The following BHMT variants were observed in gnomAD, a reference collection of about 807,000 sequenced individuals.
BHMT encodes the protein betaine--homocysteine S-methyltransferase.
In BHMT, 38 loss-of-function variants were observed where a neutral mutation model predicts 49.5. The ratio of observed to expected loss-of-function variants is 0.77; its 90% CI spans 0.59 to 1.01. The LOEUF (loss-of-function observed/expected upper bound fraction) is 1.01. Among genes scored for constraint, BHMT ranks in the 50% least tolerant of loss-of-function variants. The pLI is 0.00. For missense variants in BHMT, 426 were observed against 495.7 expected, an observed-to-expected ratio of 0.86 and a Z score of 1.34; for synonymous variants, 166 against 176.3, an observed-to-expected ratio of 0.94 and a Z score of 0.46.
At chr5:79,123,531 G>C (rs1017990554) in intron 5 of BHMT, among the ~76,000 whole-genome samples, 6 of 88,118 alleles carry the variant, frequency 6.8e-5, no homozygotes, top group Admixed American at 1.6e-4. Context: ...TTGGTTGGTT[G>C]GTTGGTTGGT....
intron 2 of BHMT, 74 bp downstream of exon 2, chr5:79,115,973 C>T: frequency 3.4e-6 from 5 of 1,451,524 alleles, no homozygotes; most frequent in Non-Finnish European, 4.6e-6. Flanking sequence ...ATCCCAGCAA[C>T]TCAGGAGGCT....
chr5:79,124,731 CAAG>C (rs1351861357), intron 5 of BHMT, among the ~76,000 whole-genome samples: 1 of 152,148 alleles, frequency 6.6e-6, no homozygotes, highest in Admixed American at 6.5e-5. Context: ...CCAAATTTTA[CAAG>C]AATACTGTAG....
intron 2 of BHMT, among the ~76,000 whole-genome samples, chr5:79,116,926 T>A (rs1398976099): frequency 6.6e-6 from 1 of 152,160 alleles, no homozygotes; most frequent in African/African-American, 2.4e-5. Context: ...CCAGCCTCAT[T>A]CTCTTGCTAA....
Position 79,127,968 on chromosome 5 carries a change from C to G in BHMT, c.1022C>G (p.Pro341Arg), listed in dbSNP as rs143484780. The G allele has an allele frequency of 9.7e-5, 156 of 1,612,862 alleles. No individual in the cohort carries two copies. The highest frequency in any genetic ancestry group is 8.2e-4 in the Middle Eastern group (5 of 6,082). ...WGSGLDMHTK[P>R]WVRARARKEY... is the part of the protein sequence containing the mutation. ...AGTGGTTTGGACATGCACACCAAAC[C>G]CTGGGTTAGAGCAAGGTAAGCATCT... The change falls in exon 7 of 8, where the codon CCC (proline) becomes CGC (arginine). Residue 341 changes from proline (P) to arginine (R), a missense_variant. Coordinates refer to ENST00000274353, the MANE Select transcript of BHMT (RefSeq NM_001713.3).
At chr5:79,129,625 A>G (rs969422770) in intron 7 of BHMT, among the ~76,000 whole-genome samples, 1 of 152,156 alleles carries the variant, frequency 6.6e-6, no homozygotes, top group Non-Finnish European at 1.5e-5. Flanking sequence ...TGTAATCGCC[A>G]TGTGAGGAAG....
intron 6 of BHMT, among the ~76,000 whole-genome samples, chr5:79,127,375 G>T (rs1361006634): frequency 6.6e-6 from 1 of 152,196 alleles, no homozygotes; most frequent in African/African-American, 2.4e-5. Context: ...CAACATGGCA[G>T]CTGGCTTTCC....
rs1370516824 is a variant in BHMT at position 79,120,500 on chromosome 5, G to C, written c.436G>C (p.Glu146Gln). The change falls in exon 4 of 8, where the codon GAG becomes CAG. Residue 146 changes from glutamate to glutamine, a missense_variant. Glu to Gln is a conservative substitution (Grantham distance 29). Coordinates refer to ENST00000274353, the MANE Select transcript of BHMT (RefSeq NM_001713.3). Reference protein sequence around the residue: ...EVKKVFLQQLEVFMKKNVDFL... With the variant: ...EVKKVFLQQLQVFMKKNVDFL... ...CAAAAAAGTATTTCTGCAACAGTTA[G>C]AGGTCTTTATGAAGAAGAACGTGGA... is the stretch of plus-strand genomic sequence containing the variant. 7 of 1,613,602 alleles carry C rather than the reference G, an allele frequency of 4.3e-6. No individual in the cohort carries two copies. The highest frequency in any genetic ancestry group is 5.9e-6 in the Non-Finnish European group (7 of 1,179,954).
In BHMT at chr5:79,126,352, T is replaced by C. The variant is rs941567326; in HGVS notation, c.808+124T>C. The C allele has an allele frequency of 3.4e-5, 39 of 1,159,812 alleles. No homozygotes were observed. In the African/African-American group the frequency reaches 5.6e-4, roughly 17 times the overall value. The allele number at this position is 1,159,812 out of a possible 1,614,324, so 71.8% of individuals were successfully genotyped here. A position where few individuals can be genotyped will look rare whatever the true frequency, so the allele number is the denominator to read the frequency against. ...GATGGCTTGGTGTCTCCTCATGTCTTGTCCCTGGTTTCTGTCCCTGCAGCC... is the reference window on the plus strand; with the variant it reads ...GATGGCTTGGTGTCTCCTCATGTCTCGTCCCTGGTTTCTGTCCCTGCAGCC... On this transcript the variant is annotated intron_variant, in intron 6 of 7. Coordinates refer to ENST00000274353, the MANE Select transcript of BHMT (RefSeq NM_001713.3).
intron 1 of BHMT, among the ~76,000 whole-genome samples, chr5:79,112,168 G>A (rs1211646685): frequency 6.6e-6 from 1 of 152,046 alleles, no homozygotes; most frequent in Admixed American, 6.5e-5. Flanking sequence ...GTCCCCTCCA[G>A]CCCCAGCCCA....
At chr5:79,125,950 GA>G in intron 5 of BHMT, 95 bp from the exon 6 acceptor site, 1 of 1,270,818 alleles carries the variant, frequency 7.9e-7, no homozygotes, top group Non-Finnish European at 1.1e-6. Context: ...CTCAAAAAAT[GA>G]AAAAAGAACT....
chr5:79,117,717 T>C (rs1338008734), intron 2 of BHMT, among the ~76,000 whole-genome samples: 2 of 152,206 alleles, frequency 1.3e-5, no homozygotes, highest in Non-Finnish European at 2.9e-5. Context: ...GTCCTAGTAA[T>C]TTCCTAGCCT....
intron 1 of BHMT, among the ~76,000 whole-genome samples, chr5:79,114,171 C>T (rs1756350011): frequency 6.6e-6 from 1 of 150,978 alleles, no homozygotes; most frequent in South Asian, 2.1e-4. Context: ...TTGCAGTTTT[C>T]AGATGTGACA....
chr5:79,115,931 A>G, intron 2 of BHMT, 32 bp downstream of exon 2: 1 of 1,579,140 alleles, frequency 6.3e-7, no homozygotes. Context: ...AAGTTCTCAT[A>G]AAGGAGCCGG....
intron 6 of BHMT, among the ~76,000 whole-genome samples, chr5:79,126,693 G>T (rs899047306): frequency 2.0e-5 from 3 of 152,054 alleles, no homozygotes; most frequent in Admixed American, 2.0e-4. Context: ...ATATGGCTCA[G>T]CTACTCCAGA....
At chr5:79,126,256 C>A in intron 6 of BHMT, 28 bp downstream of exon 6, 1 of 1,607,164 alleles carries the variant, frequency 6.2e-7, no homozygotes, top group South Asian at 1.1e-5. Flanking sequence ...TGAATCATCT[C>A]AATATCTTCA....
chr5:79,131,051 A>G lies in BHMT; in HGVS notation c.1156A>G (p.Lys386Glu). ...AGGAACAGCCGAGCTGATGCAGCAG[A>G]AAGAAGCCACAACTGAGCAGCAGCT... ...TKGTAELMQQ[K>E]EATTEQQLKE... Residue 386 changes from lysine (K) to glutamate (E), a missense_variant, in exon 8 of 8, where the codon AAA (lysine) becomes GAA (glutamate). Physicochemically the swap from Lys to Glu is moderately conservative, Grantham distance 56 (BLOSUM62 1). This residue lies in a region of BHMT where 73 missense variants were observed against 68.3 expected (regional missense o/e 1.07). Transcript: ENST00000274353. The G allele has an allele frequency of 6.2e-7, 1 of 1,614,056 alleles. No homozygotes were observed. The highest frequency in any genetic ancestry group is 8.5e-7 in the Non-Finnish European group (1 of 1,179,992).
intron 4 of BHMT, 36 bp downstream of exon 4, chr5:79,120,577 A>T: frequency 1.3e-6 from 2 of 1,562,496 alleles, no homozygotes; most frequent in South Asian, 2.4e-5. Context: ...AGACAAATAC[A>T]CCTAGTACAT....
intron 4 of BHMT, 118 bp from the exon 5 acceptor site, chr5:79,121,100 G>A (rs1756461775): frequency 4.7e-6 from 6 of 1,287,924 alleles, no homozygotes; most frequent in Admixed American, 4.5e-5. Context: ...GCAGTGAGCC[G>A]AAATCGCACC....
At chr5:79,128,132 A>G (rs1756580292) in intron 7 of BHMT, 149 bp downstream of exon 7, 5 of 967,098 alleles carry the variant, frequency 5.2e-6, no homozygotes, top group Non-Finnish European at 7.6e-6. Context: ...AAGCATCCTT[A>G]TTAGGTGATT....
Sources: gnomAD v4.1 joint callset for allele counts (sites outside exome capture counted in the v4.1 genomes callset) on GRCh38, gnomAD v4.1.1 for gene constraint, gnomAD v4.1.1 regional missense constraint, MANE v1.5 for transcripts, NCBI Gene and HGNC (gene_info 2026-07-23, HGNC 2026-07-21) for gene names.